KANK1: variants seen among roughly 807,000 people sequenced by gnomAD.
KANK1 encodes the protein KN motif and ankyrin repeat domain-containing protein 1.
A neutral mutation model predicts 106.2 loss-of-function variants in KANK1; 109 were observed. That is an observed-to-expected ratio of 1.03 (90% CI 0.88 to 1.20). The LOEUF is 1.20. Among genes scored for constraint, KANK1 ranks in the 50% most tolerant of loss-of-function variants. The pLI is 0.00. For missense variants in KANK1, 2,399 were observed against 1,710.7 expected, an observed-to-expected ratio of 1.40 and a Z score of -7.10; for synonymous variants, 873 against 652.2, an observed-to-expected ratio of 1.34 and a Z score of -5.16.
intron 1 of KANK1, among the ~76,000 whole-genome samples, chr9:569,974 C>G (rs566586004): frequency 6.6e-6 from 1 of 152,210 alleles, no homozygotes; most frequent in African/African-American, 2.4e-5. Flanking sequence ...CCTTCCCCAC[C>G]CCAGGCCTTT....
intron 3 of KANK1, among the ~76,000 whole-genome samples, chr9:724,383 A>G: frequency 6.6e-6 from 1 of 152,214 alleles, no homozygotes; most frequent in East Asian, 1.9e-4. Context: ...TTAAACTATT[A>G]TCTACTTTTG....
intron 1 of KANK1, among the ~76,000 whole-genome samples, chr9:665,011 G>A (rs1291749442): frequency 6.6e-6 from 1 of 152,114 alleles, no homozygotes; most frequent in Non-Finnish European, 1.5e-5. Context: ...TTTAAAATCA[G>A]ATTAATGACT....
chr9:684,405 G>T, intron 2 of KANK1: 6 of 985,214 alleles, frequency 6.1e-6, no homozygotes, highest in Non-Finnish European at 4.8e-6. Context: ...AAGAAAGAAA[G>T]AAAAAAACAC....
intron 1 of KANK1, among the ~76,000 whole-genome samples, chr9:642,085 C>G (rs540322003): frequency 6.6e-6 from 1 of 152,142 alleles, no homozygotes; most frequent in African/African-American, 2.4e-5. Context: ...AGATAGGATG[C>G]CCATAGTCAG....
At chr9:559,540 A>G (rs908934909) in intron 1 of KANK1, among the ~76,000 whole-genome samples, 5 of 152,218 alleles carry the variant, frequency 3.3e-5, no homozygotes, top group African/African-American at 9.6e-5. Flanking sequence ...TGCAGAGGCA[A>G]TCTGCTTGAA....
chr9:625,702 C>G (rs1029194860), intron 1 of KANK1, among the ~76,000 whole-genome samples: 14 of 152,152 alleles, frequency 9.2e-5, no homozygotes, highest in African/African-American at 3.4e-4. Context: ...AAGACTTAAT[C>G]AAACAAGTAT....
intron 3 of KANK1, among the ~76,000 whole-genome samples, chr9:728,513 T>C (rs1831350882): frequency 6.6e-6 from 1 of 152,202 alleles, no homozygotes; most frequent in African/African-American, 2.4e-5. Context: ...CGATGTATAT[T>C]GAAATGGCCC....
intron 1 of KANK1, among the ~76,000 whole-genome samples, chr9:507,112 A>C (rs138868015): frequency 1.3e-5 from 2 of 150,650 alleles, no homozygotes; most frequent in African/African-American, 4.9e-5. Flanking sequence ...GGCCTGTTGC[A>C]TGGGTGACAG....
At chr9:696,338 G>T (rs752982982) in intron 2 of KANK1, among the ~76,000 whole-genome samples, 50 of 152,156 alleles carry the variant, frequency 3.3e-4, no homozygotes, top group African/African-American at 1.1e-3. Context: ...TTAGAGTCTG[G>T]TAGAGAAACA....
chr9:562,733 C>G (rs1816814278), intron 1 of KANK1, among the ~76,000 whole-genome samples: 1 of 152,152 alleles, frequency 6.6e-6, no homozygotes, highest in African/African-American at 2.4e-5. Flanking sequence ...AGTTAGACAA[C>G]CGATGCTAGT....
intron 2 of KANK1, among the ~76,000 whole-genome samples, chr9:687,137 TTCATTCAGTGGC>T (rs1309739209): frequency 1.3e-5 from 2 of 152,190 alleles, no homozygotes; most frequent in Non-Finnish European, 2.9e-5. Flanking sequence ...AGTGAGTTCA[TTCATTCAGTGGC>T]TCACTTTTAA....
intron 2 of KANK1, among the ~76,000 whole-genome samples, chr9:681,591 G>A (rs1429632403): frequency 6.6e-6 from 1 of 152,046 alleles, no homozygotes; most frequent in African/African-American, 2.4e-5. Context: ...GTTGTGCAGG[G>A]AAAAAAAGAA....
intron 1 of KANK1, among the ~76,000 whole-genome samples, chr9:636,522 G>A (rs942800607): frequency 5.9e-5 from 9 of 152,144 alleles, no homozygotes; most frequent in South Asian, 2.1e-4. Flanking sequence ...AACAGAGTCC[G>A]AAACGTTGTC....
intron 3 of KANK1, among the ~76,000 whole-genome samples, chr9:483,837 G>C (rs2058247461): frequency 6.6e-6 from 1 of 152,182 alleles, no homozygotes; most frequent in Non-Finnish European, 1.5e-5. Context: ...AGGCCTTTCA[G>C]AGCTAGACAG....
At chr9:577,702 C>A (rs2135147780) in intron 1 of KANK1, among the ~76,000 whole-genome samples, 1 of 152,278 alleles carries the variant, frequency 6.6e-6, no homozygotes, top group East Asian at 1.9e-4. Flanking sequence ...TCAAGTTCCA[C>A]CCCAAACCTC....
At chr9:649,710 C>G (rs961380285) in intron 1 of KANK1, among the ~76,000 whole-genome samples, 1 of 152,156 alleles carries the variant, frequency 6.6e-6, no homozygotes, top group Non-Finnish European at 1.5e-5. Context: ...AAAGGCCCAT[C>G]AAGGTTTTCA....
chr9:474,826 G>C (rs776358197), intron 3 of KANK1, among the ~76,000 whole-genome samples: 5 of 152,174 alleles, frequency 3.3e-5, no homozygotes, highest in Non-Finnish European at 7.3e-5. Flanking sequence ...AGGCCATCTA[G>C]ACTTTCCCTG....
chr9:512,439 C>A (rs544164918), intron 1 of KANK1, among the ~76,000 whole-genome samples: 1 of 152,080 alleles, frequency 6.6e-6, no homozygotes, highest in African/African-American at 2.4e-5. Flanking sequence ...TTAGTTCATA[C>A]CTTTAGTTGT....
intron 1 of KANK1, among the ~76,000 whole-genome samples, chr9:537,891 G>A (rs969421959): frequency 2.6e-5 from 4 of 152,294 alleles, no homozygotes; most frequent in South Asian, 4.1e-4. Context: ...ACTTATTTTC[G>A]TGTGTCTTAA....
Sources: gnomAD v4.1 joint callset for allele counts (sites outside exome capture counted in the v4.1 genomes callset) on GRCh38, gnomAD v4.1.1 for gene constraint, MANE v1.5 for transcripts, NCBI Gene and HGNC (gene_info 2026-07-23, HGNC 2026-07-21) for gene names.